Variants in BRWD3 observed in about 807,000 individuals in gnomAD.
The protein encoded by BRWD3 is bromodomain and WD repeat domain containing 3, also known as bromodomain and WD repeat-containing protein 3.
In BRWD3, 10 loss-of-function variants were observed where a neutral mutation model predicts 149.7. The observed-to-expected ratio is 0.07, with a 90% CI of 0.04 to 0.11. BRWD3 has a LOEUF of 0.11. BRWD3 is among the 10% of genes least tolerant of loss of function. BRWD3 has a pLI of 1.00. For synonymous variants in BRWD3, 504 were observed against 456.7 expected (o/e 1.10, Z -1.32); for missense variants, 940 against 1,373.2 (o/e 0.68, Z 4.99).
intron 6 of BRWD3, among the ~76,000 whole-genome samples, chrX:80,773,479 C>A (rs997150637): frequency 9.0e-6 from 1 of 111,400 alleles, no homozygotes; most frequent in African/African-American, 3.3e-5. Flanking sequence ...TCAGTTCTAG[C>A]CCTTACTATG....
chrX:80,713,568 T>C (rs763722199), intron 20 of BRWD3, among the ~76,000 whole-genome samples: 2,834 of 109,160 alleles, frequency 0.026, 141 homozygotes, highest in African/African-American at 0.09. Context: ...GGCCGCAGGG[T>C]CCTCTGCCTA....
In BRWD3 at chrX:80,809,720, TGAGAGAGAGAGAGAGAAGA is replaced by T. The variant is rs2074390532; in HGVS notation, c.-268_-250del. ...GAGAGGGAGAGAGAGAGTGAGTGAGTGAGAGAGAGAGAGAGAAGAGAGAGAGAGAGAGAGGAAAAAGAGA... is the reference window on the plus strand; with the variant it reads ...GAGAGGGAGAGAGAGAGTGAGTGAGTGAGAGAGAGAGAGAGGAAAAAGAGA... On this transcript the variant is annotated 5_prime_UTR_variant, in exon 1 of 41. Transcript: ENST00000373275. The T allele has an allele frequency of 2.7e-5, 6 of 222,343 alleles. No homozygotes were observed. Among genetic ancestry groups the T allele is most frequent in the East Asian group, 1.6e-4 (3 of 19,150 alleles). The allele number at this position is 222,343 out of a possible 1,213,427, so 18.3% of individuals were successfully genotyped here. A position where few individuals can be genotyped will look rare whatever the true frequency, so the allele number is the denominator to read the frequency against.
At chrX:80,747,930 T>C (rs1300860828) in intron 6 of BRWD3, among the ~76,000 whole-genome samples, 1 of 111,911 alleles carries the variant, frequency 8.9e-6, no homozygotes, top group Non-Finnish European at 1.9e-5. Flanking sequence ...TTTCTTTCAT[T>C]TTCATTTGTT....
At chrX:80,704,595 T>C in intron 23 of BRWD3, 83 bp downstream of exon 23, 1 of 889,743 alleles carries the variant, frequency 1.1e-6, no homozygotes, top group South Asian at 2.3e-5. Flanking sequence ...TAGAGAAAAG[T>C]CAATGTTACA....
At chrX:80,703,618 A>G (rs1445586907) in intron 23 of BRWD3, 25 bp from the exon 24 acceptor site, 13 of 1,058,089 alleles carry the variant, frequency 1.2e-5, no homozygotes, top group Non-Finnish European at 1.7e-5. Context: ...CACGAAAAGT[A>G]TATGTATAAA....
chrX:80,725,052 C>T lies in BRWD3; in HGVS notation c.1402G>A (p.Val468Ile), dbSNP rs2073197640. The T allele has an allele frequency of 8.3e-7, 1 of 1,208,086 alleles. No individual in the cohort carries two copies. The highest frequency in any genetic ancestry group is 1.1e-6 in the Non-Finnish European group (1 of 892,586). The change falls in exon 15 of 41, where the codon GTA (valine) becomes ATA (isoleucine). Residue 468 changes from valine (V) to isoleucine (I), a missense_variant. Physicochemically the swap from Val to Ile is conservative, Grantham distance 29 (BLOSUM62 3). Coordinates refer to ENST00000373275, the MANE Select transcript of BRWD3 (RefSeq NM_153252.5). ...LHTLSGHDDE[V>I]FVLEAHPFDQ... ...AATGGATGGGCTTCTAGAACGAATACTTCATCATCATGTCCCTATAATAAA... is the reference window on the plus strand; with the variant it reads ...AATGGATGGGCTTCTAGAACGAATATTTCATCATCATGTCCCTATAATAAA...
At chrX:80,680,831 C>A (rs993496908) in intron 40 of BRWD3, among the ~76,000 whole-genome samples, 1 of 110,170 alleles carries the variant, frequency 9.1e-6, no homozygotes, top group Non-Finnish European at 1.9e-5. Flanking sequence ...ATTTTTGAGA[C>A]AGAGTCTCAC....
intron 14 of BRWD3, among the ~76,000 whole-genome samples, chrX:80,725,876 G>A (rs3132170): frequency 4.7e-5 from 5 of 107,437 alleles, no homozygotes; most frequent in South Asian, 7.9e-4. Flanking sequence ...ATGTTTACAT[G>A]TGTTACATGC....
Position 80,691,192 on chromosome X carries a change from C to A in BRWD3, c.3482-19G>T. On this transcript the variant is annotated intron_variant, in intron 30 of 40. Transcript: ENST00000373275. Reference sequence around the variant, plus strand: ...GCAAAATCTACAAAATTATGAAAATCAAATAAGGTAGCTATAAAGGACATT... The same window carrying A: ...GCAAAATCTACAAAATTATGAAAATAAAATAAGGTAGCTATAAAGGACATT... 8.3e-7 allele frequency: 1 copy of A among 1,200,293 alleles called. No individual in the cohort carries two copies. Among genetic ancestry groups the A allele is most frequent in the Non-Finnish European group, 1.1e-6 (1 of 886,629 alleles).
In BRWD3 at chrX:80,713,230, C is replaced by T. The variant is rs1475480288; in HGVS notation, c.2325+2927G>A. Among the ~76,000 whole-genome samples the T allele has an allele frequency of 1.1e-4, 12 of 110,629 alleles. No homozygotes were observed. In the East Asian group the frequency reaches 2.0e-3, roughly 18 times the overall value. ...TGAGAACGGGCCATGATGACAATGG[C>T]GGTTTTGTGGAATAGAAAAGGGGGA... On this transcript the variant is annotated intron_variant, in intron 20 of 40. Coordinates refer to ENST00000373275, the MANE Select transcript of BRWD3 (RefSeq NM_153252.5).
chrX:80,753,791 A>G lies in BRWD3; in HGVS notation c.431-8062T>C, dbSNP rs759911971. 9.9e-5 allele frequency among the ~76,000 whole-genome samples: 11 copies of G among 111,651 alleles called. No individual in the cohort carries two copies. The South Asian group carries it at 3.0e-3, about 30-fold the overall frequency. ...TATAGTAGAGGGTGTCCTTTTCCCA[A>G]TGCATGTTCTTGTCAGCTTTGTCAA... is the stretch of plus-strand genomic sequence containing the variant. On this transcript the variant is annotated intron_variant, in intron 6 of 40. Coordinates refer to ENST00000373275, the MANE Select transcript of BRWD3 (RefSeq NM_153252.5).
chrX:80,696,091 A>T (rs2072687453), intron 26 of BRWD3, 101 bp from the exon 27 acceptor site: 1 of 750,182 alleles, frequency 1.3e-6, no homozygotes, highest in African/African-American at 2.1e-5. Flanking sequence ...CATTGAGAAA[A>T]GTTTGCAAAC....
intron 4 of BRWD3, among the ~76,000 whole-genome samples, chrX:80,804,026 T>A (rs893178283): frequency 8.9e-6 from 1 of 112,533 alleles, no homozygotes; most frequent in Admixed American, 9.5e-5. Flanking sequence ...CATAGATGTA[T>A]GTATATTTTT....
At chrX:80,767,617 G>C (rs1410283714) in intron 6 of BRWD3, among the ~76,000 whole-genome samples, 1 of 111,147 alleles carries the variant, frequency 9.0e-6, no homozygotes, top group Non-Finnish European at 1.9e-5. Flanking sequence ...GAGCAGAAAA[G>C]CTGAAAATTC....
rs1035542340 is a variant in BRWD3 at position 80,723,605 on chromosome X, G to C, written c.1650+143C>G. On this transcript the variant is annotated intron_variant, in intron 16 of 40. Transcript: ENST00000373275. The stretch of plus-strand genomic sequence containing the variant: ...TTCTGGCAGTGCAGATCACAATTGA[G>C]AACCTTTACTAAGAAAGACAACTTT... 3 of 613,214 alleles carry C rather than the reference G, an allele frequency of 4.9e-6. No individual in the cohort carries two copies. In the African/African-American group the frequency reaches 6.9e-5, roughly 14 times the overall value. The allele number at this position is 613,214 out of a possible 1,213,427, so 50.5% of individuals were successfully genotyped here. A position where few individuals can be genotyped will look rare whatever the true frequency, so the allele number is the denominator to read the frequency against.
At chrX:80,724,242 T>A (rs2073188883) in intron 15 of BRWD3, among the ~76,000 whole-genome samples, 1 of 111,834 alleles carries the variant, frequency 8.9e-6, no homozygotes, top group South Asian at 3.7e-4. Context: ...AAAATAACCA[T>A]CCTAAAATTA....
intron 6 of BRWD3, among the ~76,000 whole-genome samples, chrX:80,758,295 A>G (rs2073766638): frequency 8.9e-6 from 1 of 112,121 alleles, no homozygotes; most frequent in South Asian, 3.7e-4. Flanking sequence ...CACTTATCCA[A>G]TTTCAGGAAT....
chrX:80,808,645 A>G, intron 3 of BRWD3, 47 bp from the exon 4 acceptor site: 1 of 1,116,184 alleles, frequency 9.0e-7, no homozygotes, highest in East Asian at 3.0e-5. Flanking sequence ...CAAATGATGA[A>G]GGAAAAGCCT....
At chrX:80,729,309 C>T (rs1052640135) in intron 13 of BRWD3, among the ~76,000 whole-genome samples, 1 of 111,142 alleles carries the variant, frequency 9.0e-6, no homozygotes, top group African/African-American at 3.3e-5. Context: ...AGATTTAGTA[C>T]CATTTTTATG....
Sources: allele counts gnomAD v4.1 joint callset (sites outside exome capture counted in the v4.1 genomes callset), GRCh38; gene constraint gnomAD v4.1.1; transcripts MANE v1.5; gene names NCBI Gene and HGNC (gene_info 2026-07-23, HGNC 2026-07-21).